The following PXDNL variants were observed in gnomAD, a reference collection of about 807,000 sequenced individuals.
PXDNL encodes the protein probable oxidoreductase PXDNL.
PXDNL carries 145 observed loss-of-function variants against 150.8 expected under a neutral mutation model. The ratio of observed to expected loss-of-function variants is 0.96; its 90% confidence interval spans 0.84 to 1.10. PXDNL has a LOEUF of 1.10. PXDNL is among the 50% of genes least tolerant of loss of function. The pLI is 0.00. For synonymous variants in PXDNL, 757 were observed against 725.7 expected (o/e 1.04, Z -0.69); for missense variants, 2,087 against 1,873.9 (o/e 1.11, Z -2.10).
intron 19 of PXDNL, among the ~76,000 whole-genome samples, chr8:51,366,307 G>T (rs1806917687): frequency 6.6e-6 from 1 of 152,162 alleles, no homozygotes; most frequent in Non-Finnish European, 1.5e-5. Context: ...TTCAAATTGG[G>T]TTCAAATAAG....
At position 51,553,740 on chromosome 8, in the gene PXDNL, T is replaced by TTATATATATATATATATA. The variant is rs747698313; in HGVS notation, c.380+3082_380+3099dup. Among the ~76,000 whole-genome samples, 70 of 112,840 alleles carry TTATATATATATATATATA rather than the reference T, an allele frequency of 6.2e-4. 1 individual carries two copies. Among genetic ancestry groups the TTATATATATATATATATA allele is most frequent in the African/African-American group, 2.2e-3 (53 of 24,322 alleles). 74.0% of individuals were successfully genotyped at this position (112,840 alleles called of 152,430 possible). Reference sequence around the variant, plus strand: ...GTTTATTGCCTTATTGTGAGGGATTTTATATATATATATATATATATATAT... The same window carrying TTATATATATATATATATA: ...GTTTATTGCCTTATTGTGAGGGATTTTATATATATATATATATATATATATATATATATATATATATAT... On this transcript the variant is annotated intron_variant, in intron 4 of 22. Transcript: ENST00000356297.
intron 1 of PXDNL, among the ~76,000 whole-genome samples, chr8:51,756,843 CA>C (rs2037107495): frequency 6.6e-6 from 1 of 151,550 alleles, no homozygotes; most frequent in East Asian, 1.9e-4. Flanking sequence ...CTTCAAATTC[CA>C]AAATCATGTC....
intron 1 of PXDNL, among the ~76,000 whole-genome samples, chr8:51,754,038 C>G (rs528227890): frequency 6.6e-6 from 1 of 152,048 alleles, no homozygotes; most frequent in Non-Finnish European, 1.5e-5. Context: ...TGATAACAAG[C>G]GCCAAGGATT....
Position 51,600,417 on chromosome 8 carries a change from C to G in PXDNL, c.237-7719G>C, listed in dbSNP as rs866205576. On this transcript the variant is annotated intron_variant, in intron 2 of 22. Transcript: ENST00000356297. ...AAATTATATCTTATATAAATTATAT[C>G]GTTTAGATAATAAATTATATCTTAT... Among the ~76,000 whole-genome samples the G allele has an allele frequency of 4.9e-4, 55 of 112,574 alleles. 1 individual carries two copies. Among genetic ancestry groups the G allele is most frequent in the East Asian group, 7.5e-4 (3 of 3,996 alleles). The allele number at this position is 112,574 out of a possible 152,430, so 73.9% of individuals were successfully genotyped here. A position where few individuals can be genotyped will look rare whatever the true frequency, so the allele number is the denominator to read the frequency against.
chr8:51,770,844 C>T (rs893452340), intron 1 of PXDNL, among the ~76,000 whole-genome samples: 7 of 152,202 alleles, frequency 4.6e-5, no homozygotes, highest in Non-Finnish European at 2.9e-5. Context: ...AGCCGCTTGG[C>T]AGGCAGCTAT....
chr8:51,710,404 C>G (rs1235873736), intron 1 of PXDNL, among the ~76,000 whole-genome samples: 1 of 152,146 alleles, frequency 6.6e-6, no homozygotes, highest in Non-Finnish European at 1.5e-5. Flanking sequence ...ATCAGGCTAC[C>G]TAACAAATCT....
intron 1 of PXDNL, among the ~76,000 whole-genome samples, chr8:51,729,194 G>T (rs964842367): frequency 4.6e-5 from 7 of 152,004 alleles, no homozygotes; most frequent in Admixed American, 3.9e-4. Flanking sequence ...AATTAAAAAC[G>T]CTATGTGAAA....
intron 1 of PXDNL, among the ~76,000 whole-genome samples, chr8:51,684,243 G>A (rs1252384571): frequency 6.6e-6 from 1 of 152,182 alleles, no homozygotes; most frequent in Non-Finnish European, 1.5e-5. Context: ...CTGATCCACT[G>A]TCAAGGCCAA....
intron 1 of PXDNL, among the ~76,000 whole-genome samples, chr8:51,672,468 C>G (rs1416103568): frequency 2.6e-5 from 4 of 152,116 alleles, no homozygotes; most frequent in Non-Finnish European, 5.9e-5. Context: ...AATCCTATGG[C>G]TTCGTTTCTG....
intron 1 of PXDNL, among the ~76,000 whole-genome samples, chr8:51,707,034 T>G (rs1816395327): frequency 6.6e-6 from 1 of 152,184 alleles, no homozygotes; most frequent in African/African-American, 2.4e-5. Flanking sequence ...CATAGACGGT[T>G]TTACTACTTA....
chr8:51,550,985 G>A (rs931414194), intron 4 of PXDNL, among the ~76,000 whole-genome samples: 3 of 152,104 alleles, frequency 2.0e-5, no homozygotes, highest in African/African-American at 7.2e-5. Context: ...CAAAATCAAT[G>A]TACAGAAATC....
rs879199768 is a variant in PXDNL at position 51,534,094 on chromosome 8, G to T, written c.380+22746C>A. On this transcript the variant is annotated intron_variant, in intron 4 of 22. Transcript: ENST00000356297. The stretch of plus-strand genomic sequence containing the variant: ...TAGGAAGTGAGGCGTGTCTCTGCCC[G>T]GCCGCCCATGTCTGAGATGTGGGGA... Among the ~76,000 whole-genome samples the T allele has an allele frequency of 2.0e-4, 29 of 144,258 alleles. 2 individuals carry two copies. The highest frequency in any genetic ancestry group is 7.9e-4 in the African/African-American group (28 of 35,398). The allele number at this position is 144,258 out of a possible 152,430, so 94.6% of individuals were successfully genotyped here.
intron 8 of PXDNL, among the ~76,000 whole-genome samples, chr8:51,462,970 C>A (rs1810117332): frequency 1.3e-5 from 2 of 152,136 alleles, no homozygotes; most frequent in Non-Finnish European, 2.9e-5. Flanking sequence ...GATTTTGGAC[C>A]TTTTCTCAAA....
intron 1 of PXDNL, among the ~76,000 whole-genome samples, chr8:51,717,948 G>C (rs540574865): frequency 6.6e-6 from 1 of 152,326 alleles, no homozygotes; most frequent in Non-Finnish European, 1.5e-5. Context: ...CAAAGTGAGA[G>C]TCATGCTGAA....
chr8:51,729,556 A>C (rs1425262558), intron 1 of PXDNL, among the ~76,000 whole-genome samples: 1 of 152,230 alleles, frequency 6.6e-6, no homozygotes. Context: ...GTGGGAATGC[A>C]AAACAGTAGA....
intron 1 of PXDNL, among the ~76,000 whole-genome samples, chr8:51,720,226 G>A (rs12549663): frequency 0.92 from 139,779 of 151,236 alleles, 65,526 homozygotes; most frequent in East Asian, 1. Context: ...AAGTTTGGGG[G>A]AAGTTTTATA....
chr8:51,533,051 A>C (rs1399321853), intron 4 of PXDNL, among the ~76,000 whole-genome samples: 3 of 152,248 alleles, frequency 2.0e-5, no homozygotes, highest in Non-Finnish European at 4.4e-5. Flanking sequence ...AAGCTGATTC[A>C]AGAAGCAGAA....
intron 4 of PXDNL, among the ~76,000 whole-genome samples, chr8:51,529,823 C>T (rs73583096): frequency 0.024 from 3,674 of 152,282 alleles, 134 homozygotes; most frequent in African/African-American, 0.084. Flanking sequence ...TCTTGGTACA[C>T]GAAAACTCTT....
At chr8:51,613,146 A>G (rs1298048949) in intron 2 of PXDNL, among the ~76,000 whole-genome samples, 1 of 152,082 alleles carries the variant, frequency 6.6e-6, no homozygotes, top group African/African-American at 2.4e-5. Flanking sequence ...AGTGAATGTC[A>G]AAGGTTATTC....
Sources: allele counts gnomAD v4.1 joint callset (sites outside exome capture counted in the v4.1 genomes callset), GRCh38; gene constraint gnomAD v4.1.1; transcripts MANE v1.5; gene names NCBI Gene and HGNC (gene_info 2026-07-23, HGNC 2026-07-21).